The following NGFR variants were observed in gnomAD, a reference collection of about 807,000 sequenced individuals.
The protein encoded by NGFR is tumor necrosis factor receptor superfamily member 16.
In NGFR, 30 loss-of-function variants were observed where a neutral mutation model predicts 43.2. The ratio of observed to expected loss-of-function variants is 0.69; its 90% CI spans 0.52 to 0.94. The LOEUF is 0.94. Ranked by LOEUF, NGFR falls within the 40% of genes least tolerant of loss-of-function variation. The pLI is 0.00. For synonymous variants in NGFR, 246 were observed against 259.6 expected (o/e 0.95, Z 0.50); for missense variants, 529 against 602.5 (o/e 0.88, Z 1.28).
intron 1 of NGFR, among the ~76,000 whole-genome samples, chr17:49,500,876 G>A (rs1440553662): frequency 2.0e-5 from 3 of 152,176 alleles, no homozygotes; most frequent in Non-Finnish European, 4.4e-5. Flanking sequence ...GAGGCCGCAG[G>A]ATATTTTAAA....
Position 49,512,879 on chromosome 17 carries a change from C to T in NGFR, c.1154C>T (p.Ala385Val). The change falls in exon 6 of 6, where the codon GCC (alanine) becomes GTC (valine). Residue 385 changes from alanine to valine, a missense_variant. Coordinates refer to ENST00000172229, the MANE Select transcript of NGFR (RefSeq NM_002507.4). This position sits in a 1 kb window ranked among gnomAD's most constrained non-coding sequence, Gnocchi z 5.2. ...SFTHEACPVRALLASWATQDS... is the reference protein window; with the variant it reads ...SFTHEACPVRVLLASWATQDS... ...ACCCATGAGGCCTGCCCCGTTCGCG[C>T]CCTGCTTGCAAGCTGGGCCACCCAG... is the stretch of plus-strand genomic sequence containing the variant. 5 of 1,613,186 alleles carry T rather than the reference C, an allele frequency of 3.1e-6. No individual in the cohort carries two copies. Among genetic ancestry groups the T allele is most frequent in the Non-Finnish European group, 4.2e-6 (5 of 1,179,842 alleles).
chr17:49,496,830 C>CA (rs2071141265), intron 1 of NGFR: 1 of 152,238 alleles, frequency 6.6e-6, no homozygotes, highest in African/African-American at 2.4e-5. Flanking sequence ...ACCGACTCGG[C>CA]AAAGGTCGGC....
rs1443289309 is a variant in NGFR, at chr17:49,513,371, TA to T, written c.*363del. 15 of 253,522 alleles carry T rather than the reference TA, an allele frequency of 5.9e-5. No homozygotes were observed. Among genetic ancestry groups the T allele is most frequent in the South Asian group, 2.7e-4 (3 of 10,956 alleles). 15.7% of individuals were successfully genotyped at this position (253,522 alleles called of 1,614,324 possible). ...GGGGGGCCAACACCAGGGATGGTAC[TA>T]GGGGGAAGTGACAAGGCCCCAGAGA... On this transcript the variant is annotated 3_prime_UTR_variant, in exon 6 of 6. Transcript: ENST00000172229.
At position 49,512,301 on chromosome 17, in the gene NGFR, G is replaced by T. The variant is rs896355185; in HGVS notation, c.982+249G>T. Among the ~76,000 whole-genome samples, 3 of 152,094 alleles carry T rather than the reference G, an allele frequency of 2.0e-5. No individual in the cohort carries two copies. Among genetic ancestry groups the T allele is most frequent in the Middle Eastern group, 3.2e-3 (1 of 316 alleles). On this transcript the variant is annotated intron_variant, in intron 5 of 5. Coordinates refer to ENST00000172229, the MANE Select transcript of NGFR (RefSeq NM_002507.4). The surrounding 1 kb of genome is among the most constrained non-coding windows in gnomAD (Gnocchi z 5.2). ...CATCAAGCTAATTGTCCCCCCTGGGGGCTAATTATTGCCCAAAGTAGCTGC... is the reference window on the plus strand; with the variant it reads ...CATCAAGCTAATTGTCCCCCCTGGGTGCTAATTATTGCCCAAAGTAGCTGC...
At chr17:49,506,701 T>TGGGGGGGG in intron 3 of NGFR, 43 bp downstream of exon 3, 1 of 148,986 alleles carries the variant, frequency 6.7e-6, no homozygotes, top group Non-Finnish European at 1.1e-5. Flanking sequence ...GGTGCGGGGG[T>TGGGGGGGG]GGGCTGGGGG....
intron 2 of NGFR, among the ~76,000 whole-genome samples, chr17:49,504,847 C>CT (rs1395797881): frequency 1.4e-5 from 2 of 141,760 alleles, no homozygotes; most frequent in African/African-American, 5.2e-5. Context: ...TCTTGGCTCA[C>CT]TGTAACCTCT....
At chr17:49,510,992 CAT>C (rs1402948356) in intron 4 of NGFR, 5 of 301,858 alleles carry the variant, frequency 1.7e-5, no homozygotes, top group Non-Finnish European at 2.5e-5. Context: ...CCTGCGTGTG[CAT>C]ATGTCTCTTC....
intron 1 of NGFR, among the ~76,000 whole-genome samples, chr17:49,501,300 G>A (rs1193634383): frequency 6.6e-6 from 1 of 152,232 alleles, no homozygotes; most frequent in African/African-American, 2.4e-5. Context: ...GGTGAGAGCA[G>A]CCACTGTCCC....
intron 2 of NGFR, among the ~76,000 whole-genome samples, chr17:49,502,427 T>A (rs1271342795): frequency 1.3e-5 from 2 of 152,064 alleles, no homozygotes; most frequent in African/African-American, 4.8e-5. Flanking sequence ...GGGAACCCCA[T>A]GGGGGATCTC....
chr17:49,509,927 G>A (rs566196362), intron 3 of NGFR, among the ~76,000 whole-genome samples: 19 of 152,294 alleles, frequency 1.2e-4, no homozygotes, highest in African/African-American at 4.3e-4. Flanking sequence ...CCTTAGGACA[G>A]GAGTGACTAG....
chr17:49,495,547 C>G lies in NGFR; in HGVS notation c.66+64C>G. ...GATCAGAACTCCGAGAAGAGCCGGG[C>G]GCCGCCACCAAGGAAACAGAACAGA... On this transcript the variant is annotated intron_variant, in intron 1 of 5. Coordinates refer to ENST00000172229, the MANE Select transcript of NGFR (RefSeq NM_002507.4). This position sits in a 1 kb window ranked among gnomAD's most constrained non-coding sequence, Gnocchi z 6.4. 8.4e-7 allele frequency: 1 copy of G among 1,186,572 alleles called. No homozygotes were observed. 73.5% of individuals were successfully genotyped at this position (1,186,572 alleles called of 1,614,324 possible). A position where few individuals can be genotyped will look rare whatever the true frequency, so the allele number is the denominator to read the frequency against.
At position 49,495,435 on chromosome 17, in the gene NGFR, C is replaced by G. The variant is rs763736545; in HGVS notation, c.18C>G (p.Thr6=). Residue 6 remains threonine (T), a synonymous_variant, in exon 1 of 6, where the codon ACC becomes ACG. Coordinates refer to ENST00000172229, the MANE Select transcript of NGFR (RefSeq NM_002507.4). The surrounding 1 kb of genome is among the most constrained non-coding windows in gnomAD (Gnocchi z 6.4). MGAGA[T]GRAMDGPRLL... is the part of the protein sequence containing the mutation. Reference sequence around the variant, plus strand: ...GGCGGGCGATGGGGGCAGGTGCCACCGGCCGCGCCATGGACGGGCCGCGCC... The same window carrying G: ...GGCGGGCGATGGGGGCAGGTGCCACGGGCCGCGCCATGGACGGGCCGCGCC... 9.7e-6 allele frequency: 12 copies of G among 1,235,868 alleles called. No individual in the cohort carries two copies. The highest frequency in any genetic ancestry group is 4.1e-5 in the South Asian group (1 of 24,502). 76.6% of individuals were successfully genotyped at this position (1,235,868 alleles called of 1,614,324 possible). A position where few individuals can be genotyped will look rare whatever the true frequency, so the allele number is the denominator to read the frequency against.
Position 49,513,097 on chromosome 17 carries a change from G to A in NGFR, c.*88G>A, listed in dbSNP as rs549229946. 1.6e-5 allele frequency: 22 copies of A among 1,366,014 alleles called. No individual in the cohort carries two copies. Among genetic ancestry groups the A allele is most frequent in the South Asian group, 4.5e-5 (3 of 66,384 alleles). The allele number at this position is 1,366,014 out of a possible 1,614,324, so 84.6% of individuals were successfully genotyped here. A position where few individuals can be genotyped will look rare whatever the true frequency, so the allele number is the denominator to read the frequency against. On this transcript the variant is annotated 3_prime_UTR_variant, in exon 6 of 6. Transcript: ENST00000172229. ...GTGGAGCCCGCACCCCCACCCTTTG[G>A]GGGGGGCCCGCCTGGCAGAACTGAG... is the stretch of plus-strand genomic sequence containing the variant.
rs2071245023 is a variant in NGFR at position 49,513,016 on chromosome 17, CCGGGG to C, written c.*8_*12del. The C allele has an allele frequency of 1.3e-6, 2 of 1,522,542 alleles. No homozygotes were observed. Among genetic ancestry groups the C allele is most frequent in the African/African-American group, 2.7e-5 (2 of 73,020 alleles). 94.3% of individuals were successfully genotyped at this position (1,522,542 alleles called of 1,614,324 possible). On this transcript the variant is annotated 3_prime_UTR_variant, in exon 6 of 6. Coordinates refer to ENST00000172229, the MANE Select transcript of NGFR (RefSeq NM_002507.4). ...TGCCACATCCCCGGTGTGAGCCCAA[CCGGGG>C]AGCCCCCGCCCCGCCCCACATTCCG...
rs773689451 is a variant in NGFR at position 49,502,134 on chromosome 17, C to T, written c.138C>T (p.Ala46=). The change falls in exon 2 of 6, where the codon GCC becomes GCT. Residue 46 remains alanine, a synonymous_variant. Coordinates refer to ENST00000172229, the MANE Select transcript of NGFR (RefSeq NM_002507.4). ...LYTHSGECCK[A]CNLGEGVAQP... The stretch of plus-strand genomic sequence containing the variant: ...CACACAGCGGTGAGTGCTGCAAAGC[C>T]TGCAACCTGGGCGAGGGTGTGGCCC... 1.9e-6 allele frequency: 3 copies of T among 1,613,050 alleles called. No homozygotes were observed. In the East Asian group the frequency reaches 6.7e-5, roughly 36 times the overall value.
chr17:49,513,095 T>C lies in NGFR; in HGVS notation c.*86T>C. Reference sequence around the variant, plus strand: ...CTGTGGAGCCCGCACCCCCACCCTTTGGGGGGGGCCCGCCTGGCAGAACTG... The same window carrying C: ...CTGTGGAGCCCGCACCCCCACCCTTCGGGGGGGGCCCGCCTGGCAGAACTG... On this transcript the variant is annotated 3_prime_UTR_variant, in exon 6 of 6. Coordinates refer to ENST00000172229, the MANE Select transcript of NGFR (RefSeq NM_002507.4). 7.4e-7 allele frequency: 1 copy of C among 1,349,614 alleles called. No individual in the cohort carries two copies. Among genetic ancestry groups the C allele is most frequent in the East Asian group, 2.5e-5 (1 of 39,268 alleles). The allele number at this position is 1,349,614 out of a possible 1,614,324, so 83.6% of individuals were successfully genotyped here.
chr17:49,506,619 C>T lies in NGFR; in HGVS notation c.529C>T (p.Leu177Phe). 2 of 1,594,812 alleles carry T rather than the reference C, an allele frequency of 1.3e-6. No homozygotes were observed. The highest frequency in any genetic ancestry group is 1.1e-5 in the South Asian group (1 of 89,658). ...CGTGTGCGAGGACACCGAGCGCCAG[C>T]TCCGCGAGTGCACACGCTGGGCCGA... ...CTVCEDTERQ[L>F]RECTRWADAE... Residue 177 changes from leucine to phenylalanine, a missense_variant, in exon 3 of 6, where the codon CTC (leucine) becomes TTC (phenylalanine). Physicochemically the swap from Leu to Phe is conservative, Grantham distance 22. Coordinates refer to ENST00000172229, the MANE Select transcript of NGFR (RefSeq NM_002507.4).
Position 49,506,142 on chromosome 17 carries a change from AG to A in NGFR, c.209-153del, listed in dbSNP as rs1683218522. On this transcript the variant is annotated intron_variant, in intron 2 of 5. Transcript: ENST00000172229. ...TGGCTGCCACCAACTTTCACAGGCTAGGGGTCAGGGTCCCTTGGAAGAGGGT... is the reference window on the plus strand; with the variant it reads ...TGGCTGCCACCAACTTTCACAGGCTAGGGTCAGGGTCCCTTGGAAGAGGGT... 3.7e-6 allele frequency: 5 copies of A among 1,367,658 alleles called. No individual in the cohort carries two copies. In the South Asian group the frequency reaches 8.7e-5, roughly 24 times the overall value. 84.7% of individuals were successfully genotyped at this position (1,367,658 alleles called of 1,614,324 possible).
At position 49,495,770 on chromosome 17, in the gene NGFR, G is replaced by A; in HGVS notation, c.66+287G>A. ...GCTGGGAGGGGTCTTTCAAGAGGGG[G>A]CATGGGGCTCTCCGATGCCCAGGTT... On this transcript the variant is annotated intron_variant, in intron 1 of 5. Transcript: ENST00000172229. This position sits in a 1 kb window ranked among gnomAD's most constrained non-coding sequence, Gnocchi z 6.4. 1 of 370,056 alleles carries A rather than the reference G, an allele frequency of 2.7e-6. No homozygotes were observed. The allele number at this position is 370,056 out of a possible 1,614,324, so 22.9% of individuals were successfully genotyped here. A position where few individuals can be genotyped will look rare whatever the true frequency, so the allele number is the denominator to read the frequency against.
Sources: allele counts gnomAD v4.1 joint callset (sites outside exome capture counted in the v4.1 genomes callset), GRCh38; gene constraint gnomAD v4.1.1; non-coding constraint Gnocchi (gnomAD v3.1); transcripts MANE v1.5; gene names NCBI Gene and HGNC (gene_info 2026-07-23, HGNC 2026-07-21).